TARBP1: variants seen among roughly 807,000 people sequenced by gnomAD.
TARBP1 encodes the protein tRNA guanosine 2 -O-methyltransferase TARBP1.
TARBP1 carries 144 observed loss-of-function variants against 178.6 expected under a neutral mutation model. The observed-to-expected ratio is 0.81, with a 90% CI of 0.70 to 0.93. The LOEUF (loss-of-function observed/expected upper bound fraction) is 0.93, where lower values mean the gene tolerates loss of function less well. Among genes scored for constraint, TARBP1 ranks in the 40% least tolerant of loss-of-function variants. The pLI is 0.00. For missense variants in TARBP1, 2,067 were observed against 2,011.7 expected (o/e 1.03, Z -0.53); for synonymous variants, 787 against 781.0 (o/e 1.01, Z -0.13).
chr1:234,391,761 G>A lies in TARBP1; in HGVS notation c.4698-16C>T, dbSNP rs962967322. On this transcript the variant is annotated splice_polypyrimidine_tract_variant and intron_variant, in intron 29 of 29. Transcript: ENST00000040877. ...ACGTTCATTTCTGAGGAAGAAAATG[G>A]AAGAAAGATTAGTTTTCCTGTAACA... 6.2e-6 allele frequency: 10 copies of A among 1,607,612 alleles called. No homozygotes were observed. The highest frequency in any genetic ancestry group is 8.5e-6 in the Non-Finnish European group (10 of 1,177,368).
chr1:234,416,747 G>A (rs1471950669), intron 22 of TARBP1, among the ~76,000 whole-genome samples: 3 of 152,130 alleles, frequency 2.0e-5, no homozygotes, highest in Non-Finnish European at 4.4e-5. Context: ...AGGAGACTGG[G>A]AGAATGAAAG....
chr1:234,407,176 C>T (rs1661333045), intron 23 of TARBP1: 1 of 152,168 alleles, frequency 6.6e-6, no homozygotes, highest in African/African-American at 2.4e-5. Flanking sequence ...CTTATAACTC[C>T]CATAGCCCTT....
intron 22 of TARBP1, among the ~76,000 whole-genome samples, chr1:234,412,477 G>C (rs1661932579): frequency 6.6e-6 from 1 of 150,394 alleles, no homozygotes; most frequent in South Asian, 2.1e-4. Flanking sequence ...ACCAGCCCAG[G>C]CAACATAACA....
At chr1:234,446,342 C>T (rs192491854) in intron 12 of TARBP1, among the ~76,000 whole-genome samples, 2 of 152,058 alleles carry the variant, frequency 1.3e-5, no homozygotes, top group East Asian at 3.8e-4. Flanking sequence ...AAAAGGTACT[C>T]GGAGATGAAC....
At chr1:234,477,367 A>G (rs1316118859) in intron 1 of TARBP1, among the ~76,000 whole-genome samples, 2 of 152,234 alleles carry the variant, frequency 1.3e-5, no homozygotes, top group Non-Finnish European at 2.9e-5. Context: ...ATATAACCTC[A>G]TAACTTCAGC....
At chr1:234,439,634 T>C (rs1665390422) in intron 12 of TARBP1, among the ~76,000 whole-genome samples, 1 of 152,158 alleles carries the variant, frequency 6.6e-6, no homozygotes, top group Admixed American at 6.5e-5. Flanking sequence ...GAGACTAACA[T>C]GGCCAACATG....
At chr1:234,456,393 G>A (rs1315350261) in intron 9 of TARBP1, among the ~76,000 whole-genome samples, 1 of 152,214 alleles carries the variant, frequency 6.6e-6, no homozygotes, top group Non-Finnish European at 1.5e-5. Flanking sequence ...TAGAGACGGG[G>A]TTTCGCCATG....
chr1:234,414,851 G>C (rs1215314965), intron 22 of TARBP1, among the ~76,000 whole-genome samples: 1 of 152,118 alleles, frequency 6.6e-6, no homozygotes, highest in Middle Eastern at 3.2e-3. Flanking sequence ...GGGCATGGTG[G>C]TGCACACCTG....
In TARBP1 at chr1:234,392,516, TC is replaced by T; in HGVS notation, c.4596del (p.Lys1533ArgfsTer18). ...KPPQLIDYLQ[Q>X]KKTEGYTIIG... ...ATGATGGTATAACCTTCTGTTTTCTTCTGCTGCAGATAATCAATTAGCTGAG... is the reference window on the plus strand; with the variant it reads ...ATGATGGTATAACCTTCTGTTTTCTTTGCTGCAGATAATCAATTAGCTGAG... On this transcript the variant is annotated frameshift_variant, in exon 29 of 30. Coordinates refer to ENST00000040877, the MANE Select transcript of TARBP1 (RefSeq NM_005646.4). LOFTEE classifies it high-confidence loss of function. The T allele has an allele frequency of 6.2e-7, 1 of 1,614,164 alleles. No individual in the cohort carries two copies. Among genetic ancestry groups the T allele is most frequent in the Admixed American group, 1.7e-5 (1 of 60,016 alleles).
chr1:234,417,956 A>G (rs2103086800), intron 22 of TARBP1, 128 bp downstream of exon 22: 1 of 486,074 alleles, frequency 2.1e-6, no homozygotes, highest in Non-Finnish European at 3.3e-6. Context: ...CTTGCAAAAC[A>G]TAACTTATGA....
At chr1:234,470,743 G>C (rs1316516334) in intron 3 of TARBP1, among the ~76,000 whole-genome samples, 2 of 150,378 alleles carry the variant, frequency 1.3e-5, no homozygotes, top group Non-Finnish European at 3.0e-5. Flanking sequence ...AGCCTCTCGA[G>C]TAGCTGGGAC....
intron 12 of TARBP1, among the ~76,000 whole-genome samples, chr1:234,439,878 T>C (rs776537188): frequency 6.6e-6 from 1 of 152,028 alleles, no homozygotes; most frequent in African/African-American, 2.4e-5. Context: ...GATATGGAAC[T>C]AAAAAACACC....
In TARBP1 at chr1:234,406,037, A is replaced by G. The variant is rs768599681; in HGVS notation, c.3855T>C (p.Ser1285=). 23 of 1,614,236 alleles carry G rather than the reference A, an allele frequency of 1.4e-5. No homozygotes were observed. In the East Asian group the frequency reaches 5.1e-4, roughly 36 times the overall value. The change falls in exon 24 of 30, where the codon AGT becomes AGC. Residue 1285 remains serine, a synonymous_variant. Coordinates refer to ENST00000040877, the MANE Select transcript of TARBP1 (RefSeq NM_005646.4). Reference sequence around the variant, plus strand: ...GAGCAACTAAAGCATACAGTCGAACACTAAAATTGTGATTGAAACACCACT... The same window carrying G: ...GAGCAACTAAAGCATACAGTCGAACGCTAAAATTGTGATTGAAACACCACT... ...VLQWCFNHNF[S]VRLYALVALK...
chr1:234,427,547 T>C, intron 18 of TARBP1, 29 bp downstream of exon 18: 11 of 1,576,886 alleles, frequency 7.0e-6, no homozygotes, highest in Non-Finnish European at 8.6e-6. Flanking sequence ...ATACAAGTTA[T>C]GACCAGTTGA....
intron 21 of TARBP1, among the ~76,000 whole-genome samples, chr1:234,420,062 C>G (rs1662911590): frequency 6.6e-6 from 1 of 152,154 alleles, no homozygotes; most frequent in African/African-American, 2.4e-5. Flanking sequence ...GAGTTATATA[C>G]CATCACTTTC....
In TARBP1 at chr1:234,410,390, A is replaced by G. The variant is rs531889202; in HGVS notation, c.3792+55T>C. 8 of 1,126,438 alleles carry G rather than the reference A, an allele frequency of 7.1e-6. No homozygotes were observed. In the African/African-American group the frequency reaches 9.3e-5, roughly 13 times the overall value. The allele number at this position is 1,126,438 out of a possible 1,614,324, so 69.8% of individuals were successfully genotyped here. A position where few individuals can be genotyped will look rare whatever the true frequency, so the allele number is the denominator to read the frequency against. On this transcript the variant is annotated intron_variant, in intron 23 of 29. Transcript: ENST00000040877. ...GCTCTACATATAAAAAATTGGTACA[A>G]ATACATACAATTCTTTTTTTACAGT...
intron 3 of TARBP1, among the ~76,000 whole-genome samples, chr1:234,470,687 C>T (rs1668958868): frequency 6.6e-6 from 1 of 150,712 alleles, no homozygotes; most frequent in Admixed American, 6.6e-5. Context: ...GTGATCTTGG[C>T]TCACTGCAAC....
At chr1:234,449,659 A>C (rs1480063514) in intron 10 of TARBP1, among the ~76,000 whole-genome samples, 1 of 152,262 alleles carries the variant, frequency 6.6e-6, no homozygotes, top group African/African-American at 2.4e-5. Flanking sequence ...GAATAAACTC[A>C]TGCATTTTGG....
chr1:234,393,445 C>T lies in TARBP1; in HGVS notation c.4477G>A (p.Val1493Ile), dbSNP rs534784525. The T allele has an allele frequency of 5.9e-5, 95 of 1,609,988 alleles. No individual in the cohort carries two copies. The highest frequency in any genetic ancestry group is 5.1e-4 in the East Asian group (23 of 44,876). ...TCEVFGASVL[V>I]VGSLQCISDK... ...CTGATACACTGAAGGCTGCCAACAACGAGCACTGAAGCCCCAAATACCTCA... is the reference window on the plus strand; with the variant it reads ...CTGATACACTGAAGGCTGCCAACAATGAGCACTGAAGCCCCAAATACCTCA... Residue 1493 changes from valine (V) to isoleucine (I), a missense_variant, in exon 28 of 30, where the codon GTT becomes ATT. By Grantham distance (29) the Val-to-Ile change is conservative (BLOSUM62 3). Coordinates refer to ENST00000040877, the MANE Select transcript of TARBP1 (RefSeq NM_005646.4).
Sources: allele counts gnomAD v4.1 joint callset (sites outside exome capture counted in the v4.1 genomes callset), GRCh38; gene constraint gnomAD v4.1.1; transcripts MANE v1.5; gene names NCBI Gene and HGNC (gene_info 2026-07-23, HGNC 2026-07-21).